INO80: variants seen among roughly 807,000 people sequenced by gnomAD.
INO80 encodes the protein INO80 complex ATPase subunit.
A neutral mutation model predicts 203.4 loss-of-function variants in INO80; 20 were observed. The observed-to-expected ratio is 0.10, with a 90% CI of 0.07 to 0.14. INO80 has a LOEUF of 0.14. Among genes scored for constraint, INO80 ranks in the 10% least tolerant of loss-of-function variants. The pLI is 1.00. For missense variants in INO80, 1,419 were observed against 1,914.4 expected (o/e 0.74, Z 4.83); for synonymous variants, 726 against 685.2 (o/e 1.06, Z -0.93).
intron 29 of INO80, among the ~76,000 whole-genome samples, chr15:40,996,080 T>C (rs16971413): frequency 0.073 from 11,165 of 152,186 alleles, 1,184 homozygotes; most frequent in African/African-American, 0.24. Flanking sequence ...TGTGAATCTA[T>C]TCAAGCCTCT....
chr15:40,993,325 T>C (rs2043839440), intron 29 of INO80, among the ~76,000 whole-genome samples: 1 of 152,166 alleles, frequency 6.6e-6, no homozygotes, highest in Non-Finnish European at 1.5e-5. Flanking sequence ...AACTATTCCT[T>C]AAGAAACCAT....
intron 1 of INO80, among the ~76,000 whole-genome samples, chr15:41,115,724 A>C (rs1020692253): frequency 6.6e-6 from 1 of 152,158 alleles, no homozygotes; most frequent in Non-Finnish European, 1.5e-5. Context: ...GGGCTTCCTC[A>C]GGTGGCTGAG....
At chr15:41,024,273 T>C (rs1013625015) in intron 25 of INO80, among the ~76,000 whole-genome samples, 8 of 152,146 alleles carry the variant, frequency 5.3e-5, no homozygotes, top group African/African-American at 1.9e-4. Context: ...ATGTTGTAAG[T>C]ATGTAAGCAA....
At chr15:40,985,672 G>A (rs1423084905) in intron 31 of INO80, among the ~76,000 whole-genome samples, 3 of 152,136 alleles carry the variant, frequency 2.0e-5, no homozygotes, top group Non-Finnish European at 4.4e-5. Context: ...CACTTTGGGA[G>A]GCTGGGGCAG....
At chr15:41,051,301 G>GC (rs372834168) in intron 19 of INO80, among the ~76,000 whole-genome samples, 40 of 151,580 alleles carry the variant, frequency 2.6e-4, no homozygotes, top group African/African-American at 9.0e-4. Flanking sequence ...TTGTTGCCTA[G>GC]CCCCCCATTC....
At chr15:40,995,438 T>C (rs1043004961) in intron 29 of INO80, among the ~76,000 whole-genome samples, 1 of 152,096 alleles carries the variant, frequency 6.6e-6, no homozygotes, top group African/African-American at 2.4e-5. Flanking sequence ...AATATAAAAT[T>C]TGGAAGGGAA....
intron 9 of INO80, among the ~76,000 whole-genome samples, chr15:41,075,550 G>A (rs1284005253): frequency 1.3e-5 from 2 of 152,142 alleles, no homozygotes; most frequent in Non-Finnish European, 2.9e-5. Flanking sequence ...TGCCTCCTGG[G>A]TTCATGCCAT....
At position 40,980,443 on chromosome 15, in the gene INO80, G is replaced by T. The variant is rs371522685; in HGVS notation, c.4454-3C>A. 22 of 1,610,268 alleles carry T rather than the reference G, an allele frequency of 1.4e-5. No homozygotes were observed. Among genetic ancestry groups the T allele is most frequent in the African/African-American group, 9.4e-5 (7 of 74,836 alleles). Reference sequence around the variant, plus strand: ...CAGAGGACTGCTGGCGGAGATTCCTGTGGGGACGGAGAGAGACAAGAACGT... The same window carrying T: ...CAGAGGACTGCTGGCGGAGATTCCTTTGGGGACGGAGAGAGACAAGAACGT... On this transcript the variant is annotated splice_region_variant and splice_polypyrimidine_tract_variant and intron_variant, in intron 35 of 35. Transcript: ENST00000648947.
intron 28 of INO80, among the ~76,000 whole-genome samples, chr15:40,998,657 GTT>G (rs988995042): frequency 6.8e-6 from 1 of 146,772 alleles, no homozygotes; most frequent in Admixed American, 6.8e-5. Context: ...GACAAGTTTT[GTT>G]TTTTTTTTTT....
At chr15:41,029,205 A>C (rs1023665706) in intron 24 of INO80, among the ~76,000 whole-genome samples, 1 of 152,242 alleles carries the variant, frequency 6.6e-6, no homozygotes, top group Non-Finnish European at 1.5e-5. Flanking sequence ...TAAGAGAATA[A>C]TAGTTATAAT....
rs561813216 is a variant in INO80, at chr15:41,036,107, G to T, written c.2908-8371C>A. Among the ~76,000 whole-genome samples, 6 of 118,806 alleles carry T rather than the reference G, an allele frequency of 5.1e-5. No homozygotes were observed. The South Asian group carries it at 1.7e-3, about 34-fold the overall frequency. The allele number at this position is 118,806 out of a possible 152,430, so 77.9% of individuals were successfully genotyped here. On this transcript the variant is annotated intron_variant, in intron 24 of 35. Transcript: ENST00000648947. ...GGAGGCGGAAGTTGCAGTGAGCCGA[G>T]ATCGCACCACTGCACTCCAGCCTGG...
rs549856527 is a variant in INO80 at position 41,102,798 on chromosome 15, G to A, written c.-43-6445C>T. Among the ~76,000 whole-genome samples the A allele has an allele frequency of 7.9e-5, 12 of 152,286 alleles. No individual in the cohort carries two copies. In the South Asian group the frequency reaches 2.5e-3, roughly 32 times the overall value. On this transcript the variant is annotated intron_variant, in intron 1 of 35. Coordinates refer to ENST00000648947, the MANE Select transcript of INO80 (RefSeq NM_017553.3). ...ATGAATGAAGTTGATATTGTTGAGT[G>A]ACTCTTGCTTTTGGATACTCTATTT... is the stretch of plus-strand genomic sequence containing the variant.
chr15:40,998,480 T>A (rs1219007671), intron 28 of INO80, among the ~76,000 whole-genome samples: 1 of 152,154 alleles, frequency 6.6e-6, no homozygotes, highest in East Asian at 1.9e-4. Context: ...AACATACCCC[T>A]TACATACAAA....
At chr15:40,984,456 T>C (rs2140409093) in intron 32 of INO80, 104 bp from the exon 33 acceptor site, 1 of 1,056,280 alleles carries the variant, frequency 9.5e-7, no homozygotes. Flanking sequence ...CTTTAGTTTA[T>C]AAACTTCTCA....
chr15:41,077,661 A>T (rs1281157018), intron 9 of INO80, among the ~76,000 whole-genome samples: 5 of 151,898 alleles, frequency 3.3e-5, no homozygotes, highest in African/African-American at 4.8e-5. Flanking sequence ...CCCAGGCTCA[A>T]GCAATACTCC....
rs1272536453 is a variant in INO80, at chr15:41,100,117, G to T, written c.-43-3764C>A. On this transcript the variant is annotated intron_variant, in intron 1 of 35. Transcript: ENST00000648947. ...TTTTTTGAGACAAAGTCTTGTAGCC[G>T]AGGCTGGAATGCTGTGGCCCAATCT... 2.0e-5 allele frequency among the ~76,000 whole-genome samples: 3 copies of T among 151,682 alleles called. No individual in the cohort carries two copies. The East Asian group carries it at 5.8e-4, about 29-fold the overall frequency.
chr15:41,009,179 A>G (rs894711932), intron 27 of INO80, among the ~76,000 whole-genome samples: 2 of 152,104 alleles, frequency 1.3e-5, no homozygotes, highest in Admixed American at 1.3e-4. Context: ...AATTTTGAGA[A>G]ACACTATTGT....
chr15:41,003,110 A>G (rs2043984434), intron 28 of INO80, among the ~76,000 whole-genome samples: 1 of 149,596 alleles, frequency 6.7e-6, no homozygotes, highest in Non-Finnish European at 1.5e-5. Flanking sequence ...ACAGAGCGAG[A>G]CTCTGTCTCA....
At chr15:41,000,673 C>G (rs7174426) in intron 28 of INO80, among the ~76,000 whole-genome samples, 9,023 of 139,208 alleles carry the variant, frequency 0.065, 835 homozygotes, top group African/African-American at 0.21. Flanking sequence ...CTACTGCACT[C>G]CAGAGCCTGG....
Sources: gnomAD v4.1 joint callset for allele counts (sites outside exome capture counted in the v4.1 genomes callset) on GRCh38, gnomAD v4.1.1 for gene constraint, MANE v1.5 for transcripts, NCBI Gene and HGNC (gene_info 2026-07-23, HGNC 2026-07-21) for gene names.